The following TDRD3 variants were observed in gnomAD, a reference collection of about 807,000 sequenced individuals.
The protein encoded by TDRD3 is tudor domain containing 3.
Under a neutral mutation model 86.7 loss-of-function variants are expected in TDRD3, and 45 were observed. That is an observed-to-expected ratio of 0.52 (90% CI 0.41 to 0.67). The LOEUF (loss-of-function observed/expected upper bound fraction) is 0.67. TDRD3 is among the 30% of genes least tolerant of loss of function. TDRD3 has a pLI of 0.00. For missense variants in TDRD3, 814 were observed against 889.0 expected, an observed-to-expected ratio of 0.92 and a Z score of 1.07; for synonymous variants, 298 against 301.7, an observed-to-expected ratio of 0.99 and a Z score of 0.13.
intron 5 of TDRD3, among the ~76,000 whole-genome samples, chr13:60,474,475 G>A (rs1412767518): frequency 2.6e-5 from 4 of 152,210 alleles, no homozygotes; most frequent in Non-Finnish European, 5.9e-5. Flanking sequence ...CACAGACCTT[G>A]TAGGGCTGGG....
At chr13:60,524,601 T>C (rs1244835996) in intron 10 of TDRD3, among the ~76,000 whole-genome samples, 1 of 152,092 alleles carries the variant, frequency 6.6e-6, no homozygotes, top group Non-Finnish European at 1.5e-5. Flanking sequence ...GTTATGTGTT[T>C]AATAGATGAG....
intron 10 of TDRD3, among the ~76,000 whole-genome samples, chr13:60,512,634 G>A (rs985222294): frequency 3.9e-5 from 6 of 152,028 alleles, no homozygotes; most frequent in African/African-American, 1.4e-4. Flanking sequence ...CAAAACAAAG[G>A]GGCTACAGGC....
In TDRD3 at chr13:60,456,063, A is replaced by G. The variant is rs193084158; in HGVS notation, c.193-4317A>G. On this transcript the variant is annotated intron_variant, in intron 3 of 13. Transcript: ENST00000377881. ...CCAGCCTGGGTGACAGAGTGAGACT[A>G]TGTCTCAAAAAAAAAAAAAAAAAAA... Among the ~76,000 whole-genome samples the G allele has an allele frequency of 1.5e-4, 17 of 109,736 alleles. 1 individual carries two copies. Among genetic ancestry groups the G allele is most frequent in the Admixed American group, 1.4e-3 (13 of 9,506 alleles). 72.0% of individuals were successfully genotyped at this position (109,736 alleles called of 152,430 possible). A position where few individuals can be genotyped will look rare whatever the true frequency, so the allele number is the denominator to read the frequency against.
chr13:60,485,249 T>C (rs917461141), intron 6 of TDRD3, among the ~76,000 whole-genome samples: 34 of 152,186 alleles, frequency 2.2e-4, no homozygotes, highest in Non-Finnish European at 4.1e-4. Context: ...TGAGGGCTTC[T>C]TTTTAGGCAG....
At chr13:60,495,748 G>A (rs1446122451) in intron 8 of TDRD3, among the ~76,000 whole-genome samples, 15 of 152,136 alleles carry the variant, frequency 9.9e-5, no homozygotes, top group African/African-American at 3.6e-4. Context: ...GATTACAGGC[G>A]TGAGCCACCA....
chr13:60,437,383 C>T (rs1485931415), intron 1 of TDRD3, among the ~76,000 whole-genome samples: 1 of 151,728 alleles, frequency 6.6e-6, no homozygotes, highest in Non-Finnish European at 1.5e-5. Flanking sequence ...GCCTTGGCCT[C>T]CCAAAGTGCT....
rs923242557 is a variant in TDRD3, at chr13:60,452,859, T to G, written c.193-7521T>G. Among the ~76,000 whole-genome samples the G allele has an allele frequency of 8.7e-4, 133 of 152,078 alleles. 1 individual carries two copies. The highest frequency in any genetic ancestry group is 1.1e-3 in the Non-Finnish European group (78 of 67,944). On this transcript the variant is annotated intron_variant, in intron 3 of 13. Transcript: ENST00000377881. ...ACTAAATGTATATGTCTCTTATTACTGTTATCAGTTCTTAAATTGTTGGTT... is the reference window on the plus strand; with the variant it reads ...ACTAAATGTATATGTCTCTTATTACGGTTATCAGTTCTTAAATTGTTGGTT...
chr13:60,533,891 A>G (rs995294152), intron 11 of TDRD3, among the ~76,000 whole-genome samples: 1 of 152,148 alleles, frequency 6.6e-6, no homozygotes, highest in African/African-American at 2.4e-5. Context: ...TTGAACAGAT[A>G]AATTTTTAAA....
intron 5 of TDRD3, among the ~76,000 whole-genome samples, chr13:60,478,933 AGCTGGAACTACAG>A (rs1956255605): frequency 6.7e-6 from 1 of 149,790 alleles, no homozygotes; most frequent in Non-Finnish European, 1.5e-5. Context: ...TCTCCTAAGT[AGCTGGAACTACAG>A]GCACACACCA....
Position 60,542,976 on chromosome 13 carries a change from G to C in TDRD3, c.2118+7743G>C, listed in dbSNP as rs188814251. 2.0e-5 allele frequency among the ~76,000 whole-genome samples: 3 copies of C among 152,184 alleles called. No homozygotes were observed. The East Asian group carries it at 5.8e-4, about 29-fold the overall frequency. ...CTGTCATACCTCTAGTAAAAGAGTG[G>C]AGTTGTTCTGTTTCCCTGTGAGAAA... On this transcript the variant is annotated intron_variant, in intron 12 of 13. Transcript: ENST00000377881.
In TDRD3 at chr13:60,507,656, A is replaced by G. The variant is rs569062441; in HGVS notation, c.859-2107A>G. 5.3e-5 allele frequency among the ~76,000 whole-genome samples: 8 copies of G among 152,338 alleles called. No individual in the cohort carries two copies. In the East Asian group the frequency reaches 1.3e-3, roughly 26 times the overall value. ...TGAAACCAATGAGAACAAAGACAAAAAATACCAGAATCTCTGGGACACATT... is the reference window on the plus strand; with the variant it reads ...TGAAACCAATGAGAACAAAGACAAAGAATACCAGAATCTCTGGGACACATT... On this transcript the variant is annotated intron_variant, in intron 8 of 13. Transcript: ENST00000377881.
chr13:60,490,159 G>A (rs1956554375), intron 7 of TDRD3, among the ~76,000 whole-genome samples: 1 of 150,854 alleles, frequency 6.6e-6, no homozygotes, highest in African/African-American at 2.4e-5. Flanking sequence ...CTTGTGCAAG[G>A]TTATCCAGTG....
chr13:60,543,691 A>G (rs750751582), intron 12 of TDRD3, among the ~76,000 whole-genome samples: 21 of 152,118 alleles, frequency 1.4e-4, no homozygotes, highest in Non-Finnish European at 2.4e-4. Context: ...TAGAGATTAA[A>G]TATATAAACA....
At chr13:60,426,726 A>G (rs1445108245) in intron 1 of TDRD3, among the ~76,000 whole-genome samples, 1 of 152,226 alleles carries the variant, frequency 6.6e-6, no homozygotes, top group Admixed American at 6.5e-5. Flanking sequence ...TAAAAGCACC[A>G]AGGGACAAAT....
chr13:60,501,010 C>T (rs1333854248), intron 8 of TDRD3, among the ~76,000 whole-genome samples: 8 of 152,176 alleles, frequency 5.3e-5, no homozygotes. Flanking sequence ...ACTCCACTCA[C>T]CAAGGCTGAC....
intron 1 of TDRD3, among the ~76,000 whole-genome samples, chr13:60,418,470 G>T (rs1455349915): frequency 6.6e-6 from 1 of 151,982 alleles, no homozygotes; most frequent in East Asian, 1.9e-4. Flanking sequence ...CTTATTTGAG[G>T]TCAGTACCAT....
At chr13:60,472,656 C>T (rs1175417422) in intron 5 of TDRD3, among the ~76,000 whole-genome samples, 1 of 152,152 alleles carries the variant, frequency 6.6e-6, no homozygotes, top group Non-Finnish European at 1.5e-5. Flanking sequence ...CCATCAATTC[C>T]ACTTCTGGCT....
intron 7 of TDRD3, among the ~76,000 whole-genome samples, chr13:60,490,178 A>G (rs1956555062): frequency 6.6e-6 from 1 of 151,142 alleles, no homozygotes; most frequent in Non-Finnish European, 1.5e-5. Flanking sequence ...TGATAATTGT[A>G]GGACTCAATC....
At chr13:60,563,463 G>A (rs1315595261) in intron 12 of TDRD3, among the ~76,000 whole-genome samples, 1 of 152,170 alleles carries the variant, frequency 6.6e-6, no homozygotes, top group Admixed American at 6.5e-5. Context: ...ATACTTAGGA[G>A]TAGGAAGTGT....
Sources: allele counts gnomAD v4.1 joint callset (sites outside exome capture counted in the v4.1 genomes callset), GRCh38; gene constraint gnomAD v4.1.1; transcripts MANE v1.5; gene names NCBI Gene and HGNC (gene_info 2026-07-23, HGNC 2026-07-21).